KLHL29: variants seen among roughly 807,000 people sequenced by gnomAD.
KLHL29 encodes kelch-like protein 29.
Under a neutral mutation model 80.4 loss-of-function variants are expected in KLHL29, and 21 were observed. The ratio of observed to expected loss-of-function variants is 0.26; its 90% CI spans 0.19 to 0.38. The LOEUF is 0.38. Among genes scored for constraint, KLHL29 ranks in the 10% least tolerant of loss-of-function variants. The probability of loss-of-function intolerance (pLI) is 1.00; values close to 1 mark genes in which losing one functional copy is unlikely to be tolerated. For missense variants in KLHL29, 867 were observed against 1,223.9 expected (o/e 0.71, Z 4.35); for synonymous variants, 511 against 526.8 (o/e 0.97, Z 0.41).
chr2:23,491,184 A>G (rs1430176324), intron 2 of KLHL29, among the ~76,000 whole-genome samples: 9 of 152,146 alleles, frequency 5.9e-5, no homozygotes, highest in African/African-American at 2.2e-4. Context: ...GGACACCAGC[A>G]GCTTCCACCT....
chr2:23,619,602 C>T (rs1222480206), intron 3 of KLHL29, among the ~76,000 whole-genome samples: 1 of 151,182 alleles, frequency 6.6e-6, no homozygotes, highest in Non-Finnish European at 1.5e-5. Flanking sequence ...TGCTGGGGTG[C>T]AGAACACAGG....
intron 2 of KLHL29, among the ~76,000 whole-genome samples, chr2:23,488,580 A>G (rs546967937): frequency 6.6e-6 from 1 of 152,356 alleles, no homozygotes; most frequent in South Asian, 2.1e-4. Flanking sequence ...AAAAGCAGAA[A>G]GGTTTTCTAT....
At chr2:23,694,659 G>T (rs763105457) in intron 8 of KLHL29, among the ~76,000 whole-genome samples, 2 of 152,130 alleles carry the variant, frequency 1.3e-5, no homozygotes, top group Non-Finnish European at 2.9e-5. Flanking sequence ...GTTACATCTC[G>T]TAAGAATAAA....
At chr2:23,544,158 A>G (rs1314650232) in intron 2 of KLHL29, among the ~76,000 whole-genome samples, 1 of 152,184 alleles carries the variant, frequency 6.6e-6, no homozygotes. Flanking sequence ...AACAGGCCTG[A>G]GTCCAGGATC....
chr2:23,693,333 C>T lies in KLHL29; in HGVS notation c.1347C>T (p.Ser449=), dbSNP rs372942747. Residue 449 remains serine, a synonymous_variant, in exon 8 of 14, where the codon AGC becomes AGT. Coordinates refer to ENST00000486442, the MANE Select transcript of KLHL29 (RefSeq NM_052920.2). ...VLAMAEAMQC[S]ELYHMAKAFA... ...CCATGGCCGAGGCCATGCAGTGCAGCGAGCTCTACCACATGGCCAAGGCCT... is the reference window on the plus strand; with the variant it reads ...CCATGGCCGAGGCCATGCAGTGCAGTGAGCTCTACCACATGGCCAAGGCCT... 3.7e-5 allele frequency: 57 copies of T among 1,551,266 alleles called. No homozygotes were observed. The highest frequency in any genetic ancestry group is 3.4e-4 in the Middle Eastern group (2 of 5,878).
chr2:23,676,920 C>T (rs1057265553), intron 5 of KLHL29, among the ~76,000 whole-genome samples: 2 of 152,116 alleles, frequency 1.3e-5, no homozygotes, highest in Non-Finnish European at 2.9e-5. Flanking sequence ...AAAGAGCCCC[C>T]ACTCAAGGTC....
At chr2:23,650,716 C>G (rs868470182) in intron 5 of KLHL29, among the ~76,000 whole-genome samples, 1 of 152,218 alleles carries the variant, frequency 6.6e-6, no homozygotes. Context: ...CTGTGCACGC[C>G]GCTTTCTCCT....
intron 3 of KLHL29, among the ~76,000 whole-genome samples, chr2:23,631,824 C>T (rs1036655241): frequency 7.2e-5 from 11 of 152,114 alleles, no homozygotes; most frequent in African/African-American, 2.7e-4. Flanking sequence ...GAAGTGGCCT[C>T]GTCAAGGAGC....
At chr2:23,476,445 A>G (rs1572344555) in intron 2 of KLHL29, among the ~76,000 whole-genome samples, 1 of 152,132 alleles carries the variant, frequency 6.6e-6, no homozygotes, top group African/African-American at 2.4e-5. Context: ...GTTTCTTTCC[A>G]AGCTTTTTCT....
At chr2:23,621,335 A>T (rs1669177726) in intron 3 of KLHL29, among the ~76,000 whole-genome samples, 1 of 152,364 alleles carries the variant, frequency 6.6e-6, no homozygotes, top group Non-Finnish European at 1.5e-5. Context: ...CATGAGGCCT[A>T]GCAGGGAGAA....
chr2:23,489,798 C>T (rs1665043357), intron 2 of KLHL29, among the ~76,000 whole-genome samples: 1 of 151,944 alleles, frequency 6.6e-6, no homozygotes, highest in South Asian at 2.1e-4. Context: ...GGAGTCTGGT[C>T]AGGGAGCTGG....
Position 23,627,162 on chromosome 2 carries a change from G to A in KLHL29, c.286-11977G>A, listed in dbSNP as rs550913999. ...AGATCTCTCCGCTGTGCCTCCTGCC[G>A]TGGGCCTCCAGTGAATTTAGACGGC... On this transcript the variant is annotated intron_variant, in intron 3 of 13. Coordinates refer to ENST00000486442, the MANE Select transcript of KLHL29 (RefSeq NM_052920.2). Among the ~76,000 whole-genome samples the A allele has an allele frequency of 4.2e-4, 64 of 152,306 alleles. 1 individual carries two copies. Among genetic ancestry groups the A allele is most frequent in the Admixed American group, 1.3e-3 (20 of 15,310 alleles).
intron 5 of KLHL29, among the ~76,000 whole-genome samples, chr2:23,649,985 G>A (rs151274245): frequency 5.9e-5 from 9 of 152,346 alleles, no homozygotes; most frequent in South Asian, 2.1e-4. Context: ...GAGCCATCAC[G>A]TTGTGGTCTT....
chr2:23,390,246 A>G (rs1229667621), intron 1 of KLHL29, among the ~76,000 whole-genome samples: 18 of 152,230 alleles, frequency 1.2e-4, no homozygotes, highest in Admixed American at 1.2e-3. Flanking sequence ...TAGGGTAGAA[A>G]GGAGAAGAGT....
intron 4 of KLHL29, among the ~76,000 whole-genome samples, chr2:23,640,822 C>T (rs908765952): frequency 6.6e-6 from 1 of 152,218 alleles, no homozygotes; most frequent in Non-Finnish European, 1.5e-5. Context: ...CGATGCAGGC[C>T]TCGTACCGTG....
At chr2:23,677,087 T>C (rs1281723464) in intron 5 of KLHL29, among the ~76,000 whole-genome samples, 1 of 152,210 alleles carries the variant, frequency 6.6e-6, no homozygotes, top group Non-Finnish European at 1.5e-5. Context: ...AATTTTATGA[T>C]GATTTCAAAA....
At chr2:23,471,827 A>T (rs1354066108) in intron 1 of KLHL29, among the ~76,000 whole-genome samples, 1 of 152,200 alleles carries the variant, frequency 6.6e-6, no homozygotes, top group African/African-American at 2.4e-5. Context: ...TCCTGGGTTC[A>T]TTCCTGGGAT....
intron 3 of KLHL29, among the ~76,000 whole-genome samples, chr2:23,569,490 G>A (rs867900607): frequency 1.3e-5 from 2 of 152,098 alleles, no homozygotes; most frequent in Non-Finnish European, 2.9e-5. Context: ...TCCCTGTTTC[G>A]TTTAATTACT....
chr2:23,498,603 C>T (rs1368082), intron 2 of KLHL29, among the ~76,000 whole-genome samples: 149,048 of 152,360 alleles, frequency 0.98, 72,920 homozygotes, highest in East Asian at 1. Flanking sequence ...GCTTTCTCAG[C>T]GCCTTCGTTA....
Sources: gnomAD v4.1 joint callset for allele counts (sites outside exome capture counted in the v4.1 genomes callset) on GRCh38, gnomAD v4.1.1 for gene constraint, MANE v1.5 for transcripts, NCBI Gene and HGNC (gene_info 2026-07-23, HGNC 2026-07-21) for gene names.